C3: variants seen among roughly 807,000 people sequenced by gnomAD.
The protein encoded by C3 is C3 and PZP-like alpha-2-macroglobulin domain-containing protein 1.
Under a neutral mutation model 207.9 loss-of-function variants are expected in C3, and 97 were observed. The observed-to-expected ratio is 0.47, with a 90% confidence interval of 0.40 to 0.55. The LOEUF is 0.55. Ranked by LOEUF, C3 falls within the 20% of genes least tolerant of loss-of-function variation. The pLI is 0.00. For synonymous variants in C3, 848 were observed against 857.6 expected, an observed-to-expected ratio of 0.99 and a Z score of 0.20; for missense variants, 1,684 against 2,171.7, an observed-to-expected ratio of 0.78 and a Z score of 4.46.
chr19:6,689,367 CT>C lies in C3; in HGVS notation c.3489+1261del, dbSNP rs1599503543. On this transcript the variant is annotated intron_variant, in intron 27 of 40. Coordinates refer to ENST00000245907, the MANE Select transcript of C3 (RefSeq NM_000064.4). ...TCCCTCCCTCCCTCCCTCCCTCTCT[CT>C]CTCTCTCTCTCTCTCTCTCTGCCTT... Among the ~76,000 whole-genome samples, 7 of 129,076 alleles carry C rather than the reference CT, an allele frequency of 5.4e-5. No homozygotes were observed. In the East Asian group the frequency reaches 1.3e-3, roughly 25 times the overall value. 84.7% of individuals were successfully genotyped at this position (129,076 alleles called of 152,430 possible). A position where few individuals can be genotyped will look rare whatever the true frequency, so the allele number is the denominator to read the frequency against.
rs1471461975 is a variant in C3, at chr19:6,707,062, C to G, written c.2245+14G>C. ...GACGGCCCCCTCCCCCTGTCCCCAC[C>G]CCGTGGGACCTACTCCTGGCCAGGC... On this transcript the variant is annotated intron_variant, in intron 17 of 40. Transcript: ENST00000245907. 7.5e-6 allele frequency: 12 copies of G among 1,606,128 alleles called. No individual in the cohort carries two copies. The highest frequency in any genetic ancestry group is 6.6e-5 in the South Asian group (6 of 90,880).
Position 6,718,281 on chromosome 19 carries a change from C to T in C3, c.399G>A (p.Gln133=), listed in dbSNP as rs1968086078. 1.2e-6 allele frequency: 2 copies of T among 1,614,220 alleles called. No homozygotes were observed. The highest frequency in any genetic ancestry group is 2.2e-5 in the South Asian group (2 of 91,088). Residue 133 remains glutamine, a synonymous_variant, in exon 3 of 41, where the codon CAG becomes CAA. Coordinates refer to ENST00000245907, the MANE Select transcript of C3 (RefSeq NM_000064.4). ...CAGGGGTGTAGATGGTCTTGTCTGT[C>T]TGGATGAAGAGGTACCCGCTCTGCA... ...VSLQSGYLFI[Q]TDKTIYTPGS...
At chr19:6,698,008 T>A (rs963510810) in intron 19 of C3, among the ~76,000 whole-genome samples, 2 of 61,656 alleles carry the variant, frequency 3.2e-5, no homozygotes, top group Admixed American at 2.3e-4. Flanking sequence ...ATTATTATTA[T>A]TATTATTATT....
At chr19:6,688,828 T>A (rs984164671) in intron 27 of C3, among the ~76,000 whole-genome samples, 1 of 152,024 alleles carries the variant, frequency 6.6e-6, no homozygotes, top group Non-Finnish European at 1.5e-5. Context: ...GTGGCCACAG[T>A]GGAAACAGCC....
chr19:6,697,927 C>G (rs2145412251), intron 19 of C3, 133 bp from the exon 20 acceptor site: 1 of 779,896 alleles, frequency 1.3e-6, no homozygotes, highest in East Asian at 2.7e-5. Flanking sequence ...AGCCTGTGAA[C>G]TAAACGCTGT....
intron 19 of C3, among the ~76,000 whole-genome samples, chr19:6,698,952 G>A (rs1052534572): frequency 1.3e-5 from 2 of 151,658 alleles, no homozygotes; most frequent in Non-Finnish European, 2.9e-5. Context: ...CCACCCGCAT[G>A]TCCTGCTAAT....
intron 17 of C3, among the ~76,000 whole-genome samples, chr19:6,705,660 C>T (rs1030132701): frequency 1.7e-5 from 2 of 120,668 alleles, no homozygotes; most frequent in Non-Finnish European, 3.5e-5. Context: ...TTTCTTTTTC[C>T]TTTCTTTTTT....
intron 13 of C3, among the ~76,000 whole-genome samples, 178 bp downstream of exon 13, chr19:6,710,461 T>G (rs1057165369): frequency 3.5e-5 from 4 of 115,282 alleles, no homozygotes; most frequent in South Asian, 2.7e-4. Flanking sequence ...GAAAGAGAGA[T>G]AAAAAGAGAG....
intron 29 of C3, 44 bp from the exon 30 acceptor site, chr19:6,685,190 A>G (rs773470147): frequency 4.4e-6 from 7 of 1,589,260 alleles, no homozygotes; most frequent in South Asian, 1.1e-5. Flanking sequence ...GGAGCCTGGG[A>G]AAGTGGCTAG....
chr19:6,708,284 A>C (rs543956099), intron 14 of C3, among the ~76,000 whole-genome samples: 2 of 151,930 alleles, frequency 1.3e-5, no homozygotes, highest in African/African-American at 2.4e-5. Flanking sequence ...CTACAGGTGC[A>C]TGCCACCATG....
intron 33 of C3, chr19:6,683,503 T>C (rs184054297): frequency 1.5e-5 from 2 of 133,440 alleles, no homozygotes; most frequent in East Asian, 4.7e-4. Flanking sequence ...CAGGCTGGAG[T>C]GCAGTGGCGT....
intron 17 of C3, among the ~76,000 whole-genome samples, chr19:6,705,664 C>A (rs1967758925): frequency 7.8e-6 from 1 of 127,868 alleles, no homozygotes; most frequent in African/African-American, 3.0e-5. Context: ...TTTTTCCTTT[C>A]TTTTTTTGTT....
rs1968060075 is a variant in C3, at chr19:6,717,578, GTGT to G, written c.504+513_504+515del. On this transcript the variant is annotated intron_variant, in intron 4 of 40. Transcript: ENST00000245907. ...GTTGTGTGTGTGTTGTGTTTTGTGT[GTGT>G]TGTGTGTGTTGTGTGTTGTGTGTGT... The G allele has an allele frequency of 5.0e-5, 9 of 178,922 alleles. 2 individuals are homozygous for G. Among genetic ancestry groups the G allele is most frequent in the South Asian group, 5.0e-4 (9 of 18,042 alleles). 11.1% of individuals were successfully genotyped at this position (178,922 alleles called of 1,614,324 possible).
intron 18 of C3, 47 bp from the exon 19 acceptor site, chr19:6,702,259 G>C: frequency 4.0e-6 from 5 of 1,247,454 alleles, no homozygotes; most frequent in South Asian, 1.2e-5. Context: ...ATCTAGCAGG[G>C]TGGTAGAGGG....
intron 19 of C3, among the ~76,000 whole-genome samples, chr19:6,701,244 C>A (rs1043186714): frequency 6.6e-6 from 1 of 152,042 alleles, no homozygotes; most frequent in African/African-American, 2.4e-5. Context: ...CCGAAAACAC[C>A]CTAGAGTTGT....
chr19:6,691,270 C>T (rs1174308027), intron 26 of C3, among the ~76,000 whole-genome samples: 4 of 152,098 alleles, frequency 2.6e-5, no homozygotes, highest in Admixed American at 2.6e-4. Flanking sequence ...TCAGGCTGGT[C>T]CCGAACTCCT....
In C3 at chr19:6,682,277, C is replaced by T. The variant is rs773996375; in HGVS notation, c.4173-48G>A. 1.9e-5 allele frequency: 28 copies of T among 1,450,408 alleles called. No homozygotes were observed. In the South Asian group the frequency reaches 3.2e-4, roughly 17 times the overall value. The allele number at this position is 1,450,408 out of a possible 1,614,324, so 89.8% of individuals were successfully genotyped here. ...CATTGGGTCCCAAGGAGGGGTCAGC[C>T]CCAAGGGTCTGTTCCTGGACAAGGA... is the stretch of plus-strand genomic sequence containing the variant. On this transcript the variant is annotated intron_variant, in intron 33 of 40. Transcript: ENST00000245907.
At chr19:6,690,917 TCAATGTACAATGTG>T (rs1467361323) in intron 26 of C3, among the ~76,000 whole-genome samples, 190 bp from the exon 27 acceptor site, 1 of 152,210 alleles carries the variant, frequency 6.6e-6, no homozygotes, top group African/African-American at 2.4e-5. Context: ...TCTGCAAATG[TCAATGTACAATGTG>T]CAATGTACAA....
At chr19:6,711,309 G>A in intron 11 of C3, 113 bp from the exon 12 acceptor site, 1 of 784,170 alleles carries the variant, frequency 1.3e-6, no homozygotes, top group Non-Finnish European at 2.2e-6. Context: ...TTGCAGATGG[G>A]ATTAAGTTAG....
Sources: gnomAD v4.1 joint callset for allele counts (sites outside exome capture counted in the v4.1 genomes callset) on GRCh38, gnomAD v4.1.1 for gene constraint, MANE v1.5 for transcripts, NCBI Gene and HGNC (gene_info 2026-07-23, HGNC 2026-07-21) for gene names.